The following ZC2HC1B variants were observed in gnomAD, a reference collection of about 807,000 sequenced individuals.
ZC2HC1B encodes zinc finger C2HC domain-containing protein 1B.
ZC2HC1B carries 36 observed loss-of-function variants against 31.0 expected under a neutral mutation model. The observed-to-expected ratio is 1.16, with a 90% CI of 0.89 to 1.54. ZC2HC1B has a LOEUF of 1.54. Ranked by LOEUF, ZC2HC1B falls within the 40% of genes most tolerant of loss-of-function variation. The pLI, the probability that ZC2HC1B is intolerant of heterozygous loss-of-function variation, is 0.00. For missense variants in ZC2HC1B, 260 were observed against 268.6 expected (o/e 0.97, Z 0.22); for synonymous variants, 73 against 88.0 (o/e 0.83, Z 0.95).
Position 143,915,555 on chromosome 6 carries a change from A to G in ZC2HC1B, c.598+12403A>G, listed in dbSNP as rs1777907230. Reference sequence around the variant, plus strand: ...CCTCAGAAAAAGGCAGGAAAATGTGAGAAAGTTTGGAACTTCCTAGAGACT... The same window carrying G: ...CCTCAGAAAAAGGCAGGAAAATGTGGGAAAGTTTGGAACTTCCTAGAGACT... On this transcript the variant is annotated intron_variant, in intron 6 of 7. Coordinates refer to ENST00000237275, the MANE Select transcript of ZC2HC1B (RefSeq NM_001013623.3). The surrounding 1 kb of genome is among the most constrained non-coding windows in gnomAD (Gnocchi z 5.2). Among the ~76,000 whole-genome samples the G allele has an allele frequency of 6.6e-6, 1 of 152,228 alleles. No homozygotes were observed. The highest frequency in any genetic ancestry group is 2.4e-5 in the African/African-American group (1 of 41,458).
At chr6:143,877,562 C>T (rs112024873) in intron 1 of ZC2HC1B, among the ~76,000 whole-genome samples, 2,280 of 150,182 alleles carry the variant, frequency 0.015, 172 homozygotes, top group African/African-American at 0.053. Flanking sequence ...GGATTACAGG[C>T]GTGAGCCACT....
intron 6 of ZC2HC1B, among the ~76,000 whole-genome samples, chr6:143,914,320 T>C (rs1216402752): frequency 1.3e-5 from 2 of 152,244 alleles, no homozygotes; most frequent in African/African-American, 2.4e-5. Flanking sequence ...CTAATTTCTC[T>C]TGTGATTTCT....
rs552683882 is a variant in ZC2HC1B, at chr6:143,916,755, G to A, written c.598+13603G>A. ...GTGGGGCCTATAGCCCCTTTGTTTG[G>A]CCAATGTCTCCCATTTGGAATGGCT... On this transcript the variant is annotated intron_variant, in intron 6 of 7. Coordinates refer to ENST00000237275, the MANE Select transcript of ZC2HC1B (RefSeq NM_001013623.3). Among the ~76,000 whole-genome samples the A allele has an allele frequency of 4.6e-5, 7 of 152,282 alleles. No homozygotes were observed. In the East Asian group the frequency reaches 1.2e-3, roughly 25 times the overall value.
rs1300304078 is a variant in ZC2HC1B, at chr6:143,934,715, C to T, written c.599-2934C>T. ...ATGATTTTTTGGCTGTAATTACTAT[C>T]AGTGGTGTCTATGAATTCCTTAGTG... is the stretch of plus-strand genomic sequence containing the variant. On this transcript the variant is annotated intron_variant, in intron 6 of 7. Coordinates refer to ENST00000237275, the MANE Select transcript of ZC2HC1B (RefSeq NM_001013623.3). This position sits in a 1 kb window ranked among gnomAD's most constrained non-coding sequence, Gnocchi z 4.6. Among the ~76,000 whole-genome samples the T allele has an allele frequency of 6.6e-6, 1 of 152,150 alleles. No individual in the cohort carries two copies. Among genetic ancestry groups the T allele is most frequent in the Non-Finnish European group, 1.5e-5 (1 of 68,034 alleles).
At chr6:143,916,959 G>C (rs1777926023) in intron 6 of ZC2HC1B, among the ~76,000 whole-genome samples, 1 of 152,200 alleles carries the variant, frequency 6.6e-6, no homozygotes, top group African/African-American at 2.4e-5. Flanking sequence ...GGCATGATTG[G>C]TTTTGAAATG....
At position 143,937,730 on chromosome 6, in the gene ZC2HC1B, C is replaced by T; in HGVS notation, c.*11C>T. On this transcript the variant is annotated 3_prime_UTR_variant, in exon 7 of 8. Transcript: ENST00000237275. ...TCTAAAAAAGATTAACTCCTAGAAG[C>T]CAGGTAAGAAAAAAAAATCACCGCT... The T allele has an allele frequency of 6.5e-7, 1 of 1,541,108 alleles. No individual in the cohort carries two copies. The highest frequency in any genetic ancestry group is 8.7e-7 in the Non-Finnish European group (1 of 1,143,548).
intron 1 of ZC2HC1B, among the ~76,000 whole-genome samples, chr6:143,874,074 T>G (rs1777378316): frequency 6.6e-6 from 1 of 152,230 alleles, no homozygotes; most frequent in African/African-American, 2.4e-5. Context: ...CACCTTTTGA[T>G]GCTTTCCTGC....
Position 143,884,229 on chromosome 6 carries a change from AC to A in ZC2HC1B, c.29-73del. ...GTGAGGATATCAAGCTATTGAGGTC[AC>A]CTCCAGTCAGTCATTTCTTCTCAGC... On this transcript the variant is annotated intron_variant, in intron 1 of 7. Coordinates refer to ENST00000237275, the MANE Select transcript of ZC2HC1B (RefSeq NM_001013623.3). This position sits in a 1 kb window ranked among gnomAD's most constrained non-coding sequence, Gnocchi z 5.1. 2.2e-6 allele frequency: 3 copies of A among 1,349,634 alleles called. No homozygotes were observed. Among genetic ancestry groups the A allele is most frequent in the East Asian group, 5.2e-5 (2 of 38,150 alleles). The allele number at this position is 1,349,634 out of a possible 1,614,324, so 83.6% of individuals were successfully genotyped here. A position where few individuals can be genotyped will look rare whatever the true frequency, so the allele number is the denominator to read the frequency against.
At position 143,868,865 on chromosome 6, in the gene ZC2HC1B, T is replaced by C. The variant is rs1229220893; in HGVS notation, c.28+4298T>C. Among the ~76,000 whole-genome samples the C allele has an allele frequency of 6.6e-6, 1 of 152,208 alleles. No homozygotes were observed. The highest frequency in any genetic ancestry group is 1.5e-5 in the Non-Finnish European group (1 of 68,046). On this transcript the variant is annotated intron_variant, in intron 1 of 7. Coordinates refer to ENST00000237275, the MANE Select transcript of ZC2HC1B (RefSeq NM_001013623.3). The surrounding 1 kb of genome is among the most constrained non-coding windows in gnomAD (Gnocchi z 4.2). ...TTCTTAAATGCTGATGCGAAGTCAATAAATCTTATGTCACATGATGAAGGA... is the reference window on the plus strand; with the variant it reads ...TTCTTAAATGCTGATGCGAAGTCAACAAATCTTATGTCACATGATGAAGGA...
At position 143,884,226 on chromosome 6, in the gene ZC2HC1B, G is replaced by T. The variant is rs939006134; in HGVS notation, c.29-78G>T. 20 of 1,323,266 alleles carry T rather than the reference G, an allele frequency of 1.5e-5. No individual in the cohort carries two copies. Among genetic ancestry groups the T allele is most frequent in the Non-Finnish European group, 2.1e-5 (20 of 964,214 alleles). The allele number at this position is 1,323,266 out of a possible 1,614,324, so 82.0% of individuals were successfully genotyped here. ...AGAGTGAGGATATCAAGCTATTGAGGTCACCTCCAGTCAGTCATTTCTTCT... is the reference window on the plus strand; with the variant it reads ...AGAGTGAGGATATCAAGCTATTGAGTTCACCTCCAGTCAGTCATTTCTTCT... On this transcript the variant is annotated intron_variant, in intron 1 of 7. Coordinates refer to ENST00000237275, the MANE Select transcript of ZC2HC1B (RefSeq NM_001013623.3). This position sits in a 1 kb window ranked among gnomAD's most constrained non-coding sequence, Gnocchi z 5.1.
intron 6 of ZC2HC1B, among the ~76,000 whole-genome samples, chr6:143,906,714 G>A (rs1777798316): frequency 6.6e-6 from 1 of 151,352 alleles, no homozygotes. Flanking sequence ...AAAGTGCTGG[G>A]ATTACAGGCA....
At position 143,871,845 on chromosome 6, in the gene ZC2HC1B, A is replaced by G. The variant is rs2128493143; in HGVS notation, c.28+7278A>G. ...GTTCTGCCAGCTGCTAAGTATGTCTATGCCAATTTTGCATTCTGGCACTGG... is the reference window on the plus strand; with the variant it reads ...GTTCTGCCAGCTGCTAAGTATGTCTGTGCCAATTTTGCATTCTGGCACTGG... On this transcript the variant is annotated intron_variant, in intron 1 of 7. Coordinates refer to ENST00000237275, the MANE Select transcript of ZC2HC1B (RefSeq NM_001013623.3). The surrounding 1 kb of genome is among the most constrained non-coding windows in gnomAD (Gnocchi z 4.1). 6.6e-6 allele frequency among the ~76,000 whole-genome samples: 1 copy of G among 152,278 alleles called. No homozygotes were observed. The highest frequency in any genetic ancestry group is 1.9e-4 in the East Asian group (1 of 5,182).
chr6:143,917,754 C>T lies in ZC2HC1B; in HGVS notation c.598+14602C>T, dbSNP rs1360165950. On this transcript the variant is annotated intron_variant, in intron 6 of 7. Transcript: ENST00000237275. The surrounding 1 kb of genome is among the most constrained non-coding windows in gnomAD (Gnocchi z 4.1). ...AAAATTTAAAAAAAAATCTGCAACACTTTGGTCCCAAGCATTTCAGATAAG... is the reference window on the plus strand; with the variant it reads ...AAAATTTAAAAAAAAATCTGCAACATTTTGGTCCCAAGCATTTCAGATAAG... Among the ~76,000 whole-genome samples the T allele has an allele frequency of 1.3e-5, 2 of 152,154 alleles. No individual in the cohort carries two copies. The highest frequency in any genetic ancestry group is 4.1e-4 in the South Asian group (2 of 4,832).
In ZC2HC1B at chr6:143,884,398, A is replaced by G. The variant is rs1367186813; in HGVS notation, c.90+33A>G. On this transcript the variant is annotated intron_variant, in intron 2 of 7. Transcript: ENST00000237275. This position sits in a 1 kb window ranked among gnomAD's most constrained non-coding sequence, Gnocchi z 5.1. ...TAAAGACATTTTGTAGATGTGTTTCATTGGACTTAAATGAACTGTCAAGTC... is the reference window on the plus strand; with the variant it reads ...TAAAGACATTTTGTAGATGTGTTTCGTTGGACTTAAATGAACTGTCAAGTC... 11 of 1,518,722 alleles carry G rather than the reference A, an allele frequency of 7.2e-6. No homozygotes were observed. The allele number at this position is 1,518,722 out of a possible 1,614,324, so 94.1% of individuals were successfully genotyped here. A position where few individuals can be genotyped will look rare whatever the true frequency, so the allele number is the denominator to read the frequency against.
At chr6:143,891,099 C>G (rs1020311566) in intron 4 of ZC2HC1B, among the ~76,000 whole-genome samples, 7 of 143,424 alleles carry the variant, frequency 4.9e-5, no homozygotes, top group African/African-American at 1.8e-4. Context: ...CCACTGCAGT[C>G]TATCCTGGGT....
At position 143,905,803 on chromosome 6, in the gene ZC2HC1B, A is replaced by G. The variant is rs534237555; in HGVS notation, c.598+2651A>G. On this transcript the variant is annotated intron_variant, in intron 6 of 7. Coordinates refer to ENST00000237275, the MANE Select transcript of ZC2HC1B (RefSeq NM_001013623.3). The surrounding 1 kb of genome is among the most constrained non-coding windows in gnomAD (Gnocchi z 4.2). The stretch of plus-strand genomic sequence containing the variant: ...TTCTCAAATGGTTTTTTTTGCATCA[A>G]TTGAGATGATGATGTAATTTTTGTC... Among the ~76,000 whole-genome samples, 11 of 152,148 alleles carry G rather than the reference A, an allele frequency of 7.2e-5. No homozygotes were observed. Among genetic ancestry groups the G allele is most frequent in the Admixed American group, 2.0e-4 (3 of 15,278 alleles).
chr6:143,924,666 T>G lies in ZC2HC1B; in HGVS notation c.599-12983T>G, dbSNP rs978910126. Among the ~76,000 whole-genome samples, 1 of 152,238 alleles carries G rather than the reference T, an allele frequency of 6.6e-6. No homozygotes were observed. On this transcript the variant is annotated intron_variant, in intron 6 of 7. Transcript: ENST00000237275. The surrounding 1 kb of genome is among the most constrained non-coding windows in gnomAD (Gnocchi z 5.2). ...TGCATTTGTCAGATATGACCTTTAC[T>G]ATGCTGAGGCATGTTTCTTCTATGC...
intron 1 of ZC2HC1B, among the ~76,000 whole-genome samples, chr6:143,875,956 G>A (rs1016088689): frequency 2.0e-5 from 3 of 150,628 alleles, no homozygotes; most frequent in Non-Finnish European, 3.0e-5. Flanking sequence ...CAAACTCAGT[G>A]TCCCCAGCTT....
In ZC2HC1B at chr6:143,868,766, G is replaced by A. The variant is rs925289477; in HGVS notation, c.28+4199G>A. Reference sequence around the variant, plus strand: ...TAATAAGGTCATAATTATGCCTAACGTAATACAACTATCCTTAATACAACC... The same window carrying A: ...TAATAAGGTCATAATTATGCCTAACATAATACAACTATCCTTAATACAACC... On this transcript the variant is annotated intron_variant, in intron 1 of 7. Coordinates refer to ENST00000237275, the MANE Select transcript of ZC2HC1B (RefSeq NM_001013623.3). This position sits in a 1 kb window ranked among gnomAD's most constrained non-coding sequence, Gnocchi z 4.2. Among the ~76,000 whole-genome samples, 17 of 152,112 alleles carry A rather than the reference G, an allele frequency of 1.1e-4. No homozygotes were observed. The highest frequency in any genetic ancestry group is 3.4e-4 in the African/African-American group (14 of 41,404).
Sources: gnomAD v4.1 joint callset for allele counts (sites outside exome capture counted in the v4.1 genomes callset) on GRCh38, gnomAD v4.1.1 for gene constraint, Gnocchi (gnomAD v3.1) non-coding constraint, MANE v1.5 for transcripts, NCBI Gene and HGNC (gene_info 2026-07-23, HGNC 2026-07-21) for gene names.